The following GALNT9 variants were observed in gnomAD, a reference collection of about 807,000 sequenced individuals.
GALNT9 encodes the protein GalNAc transferase 9.
In GALNT9, 47 loss-of-function variants were observed where a neutral mutation model predicts 63.1. That is an observed-to-expected ratio of 0.75 (90% CI 0.59 to 0.95). GALNT9 has a LOEUF of 0.95. Among genes scored for constraint, GALNT9 ranks in the 40% least tolerant of loss-of-function variants. GALNT9 has a pLI of 0.00. For missense variants in GALNT9, 829 were observed against 874.8 expected (o/e 0.95, Z 0.66); for synonymous variants, 396 against 365.7 (o/e 1.08, Z -0.94).
chr12:132,206,745 T>G (rs894926858), intron 6 of GALNT9, among the ~76,000 whole-genome samples: 1 of 151,374 alleles, frequency 6.6e-6, no homozygotes, highest in African/African-American at 2.4e-5. Context: ...AGCCGGCAAC[T>G]GGGAGGAGGA....
Position 132,246,926 on chromosome 12 carries a change from C to T in GALNT9, c.1077+984G>A, listed in dbSNP as rs946490007. Among the ~76,000 whole-genome samples, 3 of 152,136 alleles carry T rather than the reference C, an allele frequency of 2.0e-5. No individual in the cohort carries two copies. The highest frequency in any genetic ancestry group is 1.3e-4 in the Admixed American group (2 of 15,270). On this transcript the variant is annotated intron_variant, in intron 6 of 10. Coordinates refer to ENST00000328957, the MANE Select transcript of GALNT9 (RefSeq NM_001122636.2). The surrounding 1 kb of genome is among the most constrained non-coding windows in gnomAD (Gnocchi z 4.7). ...GATTGAATTTGTGTCCACGATAGTA[C>T]GATCTTTAAAGTGAACCGCAAGCTT...
chr12:132,197,953 G>A lies in GALNT9; in HGVS notation c.1504C>T (p.Arg502Trp), dbSNP rs763735503. 21 of 1,606,324 alleles carry A rather than the reference G, an allele frequency of 1.3e-5. No individual in the cohort carries two copies. The highest frequency in any genetic ancestry group is 2.7e-5 in the African/African-American group (2 of 74,834). The change falls in exon 10 of 11, where the codon CGG (arginine) becomes TGG (tryptophan). Residue 502 changes from arginine (R) to tryptophan (W), a missense_variant. By Grantham distance (101) the Arg-to-Trp change is moderately radical. Transcript: ENST00000328957. Reference protein sequence around the residue: ...PCHGMSSQLVRYSADGLLQLG... With the variant: ...PCHGMSSQLVWYSADGLLQLG... The stretch of plus-strand genomic sequence containing the variant: ...TGCAGCAGTCCATCAGCGCTGTACC[G>A]CACCAGCTGGGGACAGGACCACCGG...
chr12:132,255,143 G>A (rs1016208672), intron 5 of GALNT9, among the ~76,000 whole-genome samples: 4 of 152,148 alleles, frequency 2.6e-5, no homozygotes, highest in Admixed American at 6.5e-5. Context: ...CCAGGAAAAC[G>A]AGCTCAGGTC....
intron 6 of GALNT9, among the ~76,000 whole-genome samples, chr12:132,239,627 CAG>C (rs1293117457): frequency 6.8e-6 from 1 of 147,080 alleles, no homozygotes; most frequent in South Asian, 2.2e-4. Flanking sequence ...GACTGAGAGA[CAG>C]AGAGACAGAG....
chr12:132,222,235 G>T (rs1217452412), intron 6 of GALNT9, among the ~76,000 whole-genome samples: 1 of 152,098 alleles, frequency 6.6e-6, no homozygotes, highest in Non-Finnish European at 1.5e-5. Flanking sequence ...ATGTTCAGAT[G>T]GTCAAACAGG....
chr12:132,221,045 T>C (rs1355977609), intron 6 of GALNT9, among the ~76,000 whole-genome samples: 1 of 56,056 alleles, frequency 1.8e-5, no homozygotes, highest in South Asian at 6.4e-4. Flanking sequence ...GAGAGTGAGA[T>C]TGTGTCAAAA....
At chr12:132,243,783 C>T (rs2136905942) in intron 6 of GALNT9, among the ~76,000 whole-genome samples, 1 of 152,322 alleles carries the variant, frequency 6.6e-6, no homozygotes, top group South Asian at 2.1e-4. Context: ...TATGAAGGCC[C>T]TGCCTGCCTG....
At chr12:132,240,627 T>A (rs146854432) in intron 6 of GALNT9, 30,757 of 451,930 alleles carry the variant, frequency 0.068, 1,313 homozygotes, top group Middle Eastern at 0.091. Flanking sequence ...TCGGCTGTGC[T>A]CTATGGGCCT....
Position 132,252,239 on chromosome 12 carries a change from A to G in GALNT9, c.960-4212T>C, listed in dbSNP as rs961589264. On this transcript the variant is annotated intron_variant, in intron 5 of 10. Coordinates refer to ENST00000328957, the MANE Select transcript of GALNT9 (RefSeq NM_001122636.2). The surrounding 1 kb of genome is among the most constrained non-coding windows in gnomAD (Gnocchi z 5.2). ...GCAGGGAGCAAAGAGGCCTCCAAAG[A>G]TGAGCCACAGGCGGCTGTGAACGCA... Among the ~76,000 whole-genome samples, 1 of 152,190 alleles carries G rather than the reference A, an allele frequency of 6.6e-6. No homozygotes were observed. Among genetic ancestry groups the G allele is most frequent in the Admixed American group, 6.5e-5 (1 of 15,282 alleles).
In GALNT9 at chr12:132,329,286, G is replaced by A. The variant is rs1869193793; in HGVS notation, c.-83C>T. 6.8e-7 allele frequency: 1 copy of A among 1,476,174 alleles called. No individual in the cohort carries two copies. Among genetic ancestry groups the A allele is most frequent in the East Asian group, 2.6e-5 (1 of 39,020 alleles). The allele number at this position is 1,476,174 out of a possible 1,614,324, so 91.4% of individuals were successfully genotyped here. The stretch of plus-strand genomic sequence containing the variant: ...CCTGGGCTTCAGCTTCGGCTTCGGG[G>A]ACCATGAGCCGCCCGGGGCTGCGGG... On this transcript the variant is annotated 5_prime_UTR_variant, in exon 1 of 11. Transcript: ENST00000328957.
At chr12:132,200,990 G>A (rs879173011) in intron 8 of GALNT9, 134 bp downstream of exon 8, 8 of 870,170 alleles carry the variant, frequency 9.2e-6, no homozygotes, top group Non-Finnish European at 1.4e-5. Flanking sequence ...GTCGGGCCGA[G>A]TGGGACCCTC....
At chr12:132,241,016 A>G (rs1591587804) in intron 6 of GALNT9, among the ~76,000 whole-genome samples, 1 of 135,610 alleles carries the variant, frequency 7.4e-6, no homozygotes, top group African/African-American at 3.0e-5. Context: ...CCCTATACCC[A>G]TTACACACAC....
At position 132,196,930 on chromosome 12, in the gene GALNT9, G is replaced by A. The variant is rs530868116; in HGVS notation, c.*177C>T. ...CTGTCCTAGGAGAAGCTGTACTCCAGATGCAGTGGGTGACACCCTGGTCAC... is the reference window on the plus strand; with the variant it reads ...CTGTCCTAGGAGAAGCTGTACTCCAAATGCAGTGGGTGACACCCTGGTCAC... On this transcript the variant is annotated 3_prime_UTR_variant, in exon 11 of 11. Coordinates refer to ENST00000328957, the MANE Select transcript of GALNT9 (RefSeq NM_001122636.2). The A allele has an allele frequency of 1.4e-6, 2 of 1,441,724 alleles. No homozygotes were observed. The highest frequency in any genetic ancestry group is 5.0e-5 in the East Asian group (2 of 39,634). The allele number at this position is 1,441,724 out of a possible 1,614,324, so 89.3% of individuals were successfully genotyped here.
intron 7 of GALNT9, among the ~76,000 whole-genome samples, chr12:132,201,720 C>T (rs908139820): frequency 4.6e-5 from 7 of 152,306 alleles, no homozygotes; most frequent in South Asian, 4.1e-4. Flanking sequence ...CGTGTTGTCA[C>T]GCATGGGTGC....
chr12:132,269,263 T>G (rs1206980597), intron 2 of GALNT9, among the ~76,000 whole-genome samples: 1 of 151,942 alleles, frequency 6.6e-6, no homozygotes, highest in Non-Finnish European at 1.5e-5. Context: ...GAATTTGCTC[T>G]GGGCTTGGTG....
intron 6 of GALNT9, among the ~76,000 whole-genome samples, chr12:132,225,745 A>G (rs1259414215): frequency 7.6e-6 from 1 of 131,670 alleles, no homozygotes; most frequent in Non-Finnish European, 1.6e-5. Context: ...GTACATACAC[A>G]CCCCCCACAA....
In GALNT9 at chr12:132,259,820, TC is replaced by T. The variant is rs147865110; in HGVS notation, c.761+1127del. On this transcript the variant is annotated intron_variant, in intron 4 of 10. Coordinates refer to ENST00000328957, the MANE Select transcript of GALNT9 (RefSeq NM_001122636.2). ...CCCTGCAGTGACAACAGCCCATATT[TC>T]CCTGAGTTGAAAAATGAGTCAGGAG... is the stretch of plus-strand genomic sequence containing the variant. 5.5e-3 allele frequency among the ~76,000 whole-genome samples: 833 copies of T among 152,286 alleles called. 11 individuals carry two copies. Among genetic ancestry groups the T allele is most frequent in the African/African-American group, 0.019 (803 of 41,556 alleles).
At chr12:132,305,247 A>C (rs1296340018) in intron 1 of GALNT9, among the ~76,000 whole-genome samples, 22 of 15,000 alleles carry the variant, frequency 1.5e-3, no homozygotes, top group African/African-American at 2.4e-3. Flanking sequence ...CCGGGCACAG[A>C]ATCGCCCAGA....
intron 4 of GALNT9, among the ~76,000 whole-genome samples, chr12:132,258,817 C>T (rs370299065): frequency 6.6e-6 from 1 of 152,192 alleles, no homozygotes; most frequent in African/African-American, 2.4e-5. Flanking sequence ...CATGGTCTAC[C>T]GCAAGGTGAG....
Sources: allele counts gnomAD v4.1 joint callset (sites outside exome capture counted in the v4.1 genomes callset), GRCh38; gene constraint gnomAD v4.1.1; non-coding constraint Gnocchi (gnomAD v3.1); transcripts MANE v1.5; gene names NCBI Gene and HGNC (gene_info 2026-07-23, HGNC 2026-07-21).